P2RY6: variants seen among roughly 807,000 people sequenced by gnomAD.
The protein encoded by P2RY6 is P2Y purinoceptor 6.
In P2RY6, 19 loss-of-function variants were observed where a neutral mutation model predicts 16.3. The observed-to-expected ratio is 1.16, with a 90% CI of 0.81 to 1.71. The LOEUF (loss-of-function observed/expected upper bound fraction) is 1.71. Ranked by LOEUF, P2RY6 falls within the 40% of genes most tolerant of loss-of-function variation. The pLI, the probability that P2RY6 is intolerant of heterozygous loss-of-function variation, is 0.00. For missense variants in P2RY6, 389 were observed against 455.5 expected (o/e 0.85, Z 1.33); for synonymous variants, 184 against 201.5 (o/e 0.91, Z 0.74).
intron 1 of P2RY6, among the ~76,000 whole-genome samples, chr11:73,290,418 G>A (rs1391202625): frequency 1.3e-5 from 2 of 152,224 alleles, no homozygotes; most frequent in African/African-American, 2.4e-5. Context: ...GGGCACAGTG[G>A]TGCATGCCTG....
At chr11:73,282,609 C>G (rs773006853) in intron 1 of P2RY6, among the ~76,000 whole-genome samples, 20 of 152,208 alleles carry the variant, frequency 1.3e-4, no homozygotes, top group Non-Finnish European at 7.3e-5. Flanking sequence ...ATACCACAGA[C>G]AGGGTTAGAG....
intron 1 of P2RY6, among the ~76,000 whole-genome samples, chr11:73,283,051 G>C (rs1210957283): frequency 6.6e-6 from 1 of 152,168 alleles, no homozygotes; most frequent in Middle Eastern, 3.2e-3. Context: ...AGGTCTGTTG[G>C]GTGCCAAGCT....
At chr11:73,267,319 G>T (rs754876778) in intron 1 of P2RY6, among the ~76,000 whole-genome samples, 12 of 152,174 alleles carry the variant, frequency 7.9e-5, no homozygotes, top group Admixed American at 2.0e-4. Flanking sequence ...ATGGCCATAT[G>T]CTCTCTGGGG....
chr11:73,287,342 C>T (rs561657834), intron 1 of P2RY6, among the ~76,000 whole-genome samples: 24 of 152,214 alleles, frequency 1.6e-4, no homozygotes, highest in Non-Finnish European at 2.9e-4. Flanking sequence ...CAGTGAAGGT[C>T]ACTCCTCCAC....
At chr11:73,292,369 T>C (rs1272737780) in intron 1 of P2RY6, among the ~76,000 whole-genome samples, 1 of 152,034 alleles carries the variant, frequency 6.6e-6, no homozygotes, top group Admixed American at 6.5e-5. Context: ...GATGGACATG[T>C]TGGTGAGTGA....
upstream of P2RY6, chr11:73,271,710 C>T (rs928157072): frequency 6.6e-6 from 1 of 152,422 alleles, no homozygotes; most frequent in Non-Finnish European, 1.5e-5. Context: ...TCCTTGGTTT[C>T]AGGTCTGGTT....
At chr11:73,268,503 G>A (rs1186105174), upstream of P2RY6, among the ~76,000 whole-genome samples, 2 of 152,210 alleles carry the variant, frequency 1.3e-5, no homozygotes, top group African/African-American at 4.8e-5. Flanking sequence ...GCTTATGCCT[G>A]TAGTGCCAAC....
intron 1 of P2RY6, 103 bp from the exon 2 acceptor site, chr11:73,295,627 G>A (rs1277455512): frequency 4.6e-6 from 1 of 218,468 alleles, no homozygotes; most frequent in Non-Finnish European, 7.8e-6. Flanking sequence ...CTGGGCACTA[G>A]GAGGCGCTGT....
chr11:73,290,315 G>GAAAGAAAGAAAGAAAGA, intron 1 of P2RY6, among the ~76,000 whole-genome samples: 1 of 91,076 alleles, frequency 1.1e-5, no homozygotes, highest in Non-Finnish European at 2.5e-5. Flanking sequence ...AAGAAAGAAA[G>GAAAGAAAGAAAGAAAGA]AAAGAAAGAA....
intron 1 of P2RY6, among the ~76,000 whole-genome samples, chr11:73,274,333 T>A (rs1863441320): frequency 6.6e-6 from 1 of 151,936 alleles, no homozygotes; most frequent in Non-Finnish European, 1.5e-5. Context: ...AATCATTCCG[T>A]CAAAATTGAG....
rs201711711 is a variant in P2RY6 at position 73,290,298 on chromosome 11, G to GA, written c.-120-5429dup. Among the ~76,000 whole-genome samples the GA allele has an allele frequency of 5.2e-3, 658 of 126,266 alleles. 6 individuals are homozygous for GA. The highest frequency in any genetic ancestry group is 0.02 in the African/African-American group (603 of 30,810). 82.8% of individuals were successfully genotyped at this position (126,266 alleles called of 152,430 possible). A position where few individuals can be genotyped will look rare whatever the true frequency, so the allele number is the denominator to read the frequency against. Reference sequence around the variant, plus strand: ...GAAAGGAAGGAAAGAAAGAAAGAAAGAAAGAAAAGAAAGAAAGAAAGAAAG... The same window carrying GA: ...GAAAGGAAGGAAAGAAAGAAAGAAAGAAAAGAAAAGAAAGAAAGAAAGAAAG... On this transcript the variant is annotated intron_variant, in intron 1 of 2. Transcript: ENST00000540124.
Position 73,295,751 on chromosome 11 carries a change from G to A in P2RY6, c.-99G>A, listed in dbSNP as rs2135760333. 1 of 985,208 alleles carries A rather than the reference G, an allele frequency of 1.0e-6. No individual in the cohort carries two copies. Among genetic ancestry groups the A allele is most frequent in the Non-Finnish European group, 1.2e-6 (1 of 829,716 alleles). The allele number at this position is 985,208 out of a possible 1,614,324, so 61.0% of individuals were successfully genotyped here. ...ACAGATAACAAGACCTCTGCCAGAA[G>A]AACCATGGCTTTGGAAGGCGGAGTT... On this transcript the variant is annotated 5_prime_UTR_variant, in exon 2 of 3. Transcript: ENST00000540124.
At chr11:73,290,098 G>C (rs1189548402) in intron 1 of P2RY6, among the ~76,000 whole-genome samples, 2 of 151,962 alleles carry the variant, frequency 1.3e-5, no homozygotes, top group Non-Finnish European at 2.9e-5. Context: ...GCACATGCCT[G>C]TACATCCCAG....
chr11:73,297,636 C>T lies in P2RY6; in HGVS notation c.*131C>T, dbSNP rs1159651332. The T allele has an allele frequency of 1.4e-6, 1 of 722,160 alleles. No individual in the cohort carries two copies. Among genetic ancestry groups the T allele is most frequent in the Non-Finnish European group, 2.3e-6 (1 of 434,288 alleles). The allele number at this position is 722,160 out of a possible 1,614,324, so 44.7% of individuals were successfully genotyped here. On this transcript the variant is annotated 3_prime_UTR_variant, in exon 3 of 3. Coordinates refer to ENST00000540124, the MANE Select transcript of P2RY6 (RefSeq NM_001277204.2). ...CATGGAGTTAAGATCCCTCACAGGA[C>T]CCAGAAGCTCACCAAAAACTATTTC...
chr11:73,265,909 A>G (rs906731054), intron 1 of P2RY6, among the ~76,000 whole-genome samples: 5 of 152,254 alleles, frequency 3.3e-5, no homozygotes, highest in Non-Finnish European at 7.3e-5. Flanking sequence ...CTTCCTTTGT[A>G]AAATGTAGAT....
At chr11:73,271,695 C>T (rs28610896), upstream of P2RY6, 5,273 of 152,514 alleles carry the variant, frequency 0.035, 290 homozygotes, top group African/African-American at 0.12. Context: ...GGTTTCGGGT[C>T]TGGTTCCTTG....
intron 1 of P2RY6, among the ~76,000 whole-genome samples, chr11:73,284,608 T>G (rs1455354113): frequency 6.6e-6 from 1 of 152,188 alleles, no homozygotes; most frequent in East Asian, 1.9e-4. Context: ...TCACGTTTAA[T>G]CTCTATCTGC....
chr11:73,269,462 AG>A (rs1241824312), upstream of P2RY6, among the ~76,000 whole-genome samples: 32 of 152,302 alleles, frequency 2.1e-4, no homozygotes, highest in African/African-American at 7.7e-4. Context: ...GACAGTTTGA[AG>A]ATTATGATAA....
chr11:73,278,241 G>A (rs923885770), intron 1 of P2RY6, among the ~76,000 whole-genome samples: 12 of 151,846 alleles, frequency 7.9e-5, no homozygotes, highest in East Asian at 5.8e-4. Flanking sequence ...GTGCGATCTC[G>A]GCTCATCGCA....
Sources: allele counts gnomAD v4.1 joint callset (sites outside exome capture counted in the v4.1 genomes callset), GRCh38; gene constraint gnomAD v4.1.1; transcripts MANE v1.5; gene names NCBI Gene and HGNC (gene_info 2026-07-23, HGNC 2026-07-21).